The following TUBB3 variants were observed in gnomAD, a reference collection of about 807,000 sequenced individuals.
TUBB3 encodes the protein tubulin beta 3 class III.
TUBB3 carries 17 observed loss-of-function variants against 37.8 expected under a neutral mutation model. The ratio of observed to expected loss-of-function variants is 0.45; its 90% CI spans 0.31 to 0.67. TUBB3 has a LOEUF of 0.67. Ranked by LOEUF, TUBB3 falls within the 30% of genes least tolerant of loss-of-function variation. The pLI is 0.07. For synonymous variants in TUBB3, 332 were observed against 278.9 expected, an observed-to-expected ratio of 1.19 and a Z score of -1.90; for missense variants, 262 against 657.9, an observed-to-expected ratio of 0.40 and a Z score of 6.58.
At chr16:89,926,376 G>C (rs1321368401) in intron 1 of TUBB3, among the ~76,000 whole-genome samples, 2 of 152,244 alleles carry the variant, frequency 1.3e-5, no homozygotes, top group African/African-American at 2.4e-5. Context: ...AACCGCATTC[G>C]GGTCCTGGAG....
At chr16:89,923,687 C>G (rs935995200) in intron 1 of TUBB3, among the ~76,000 whole-genome samples, 1 of 152,220 alleles carries the variant, frequency 6.6e-6, no homozygotes, top group Non-Finnish European at 1.5e-5. Flanking sequence ...CAGCTCACGT[C>G]AGTCGCGAAG....
intron 3 of TUBB3, chr16:89,934,371 C>G: frequency 2.0e-6 from 1 of 506,136 alleles, no homozygotes; most frequent in Non-Finnish European, 3.8e-6. Flanking sequence ...CAGCCCCCAG[C>G]TGCCAGGGAT....
At chr16:89,924,544 G>A (rs2030003243) in intron 1 of TUBB3, among the ~76,000 whole-genome samples, 1 of 152,142 alleles carries the variant, frequency 6.6e-6, no homozygotes, top group Admixed American at 6.5e-5. Context: ...CTGGGAAGGA[G>A]GGGGTGCAGG....
intron 1 of TUBB3, among the ~76,000 whole-genome samples, chr16:89,929,440 G>A (rs892037076): frequency 6.6e-6 from 1 of 152,336 alleles, no homozygotes; most frequent in Non-Finnish European, 1.5e-5. Context: ...CGGGCATCCC[G>A]AGACACTGTT....
At chr16:89,932,942 A>T in intron 2 of TUBB3, 1 of 546,932 alleles carries the variant, frequency 1.8e-6, no homozygotes, top group Non-Finnish European at 3.3e-6. Context: ...ACAGACAGGG[A>T]TGGGGCAGGC....
chr16:89,930,438 C>G (rs574894031), intron 1 of TUBB3, among the ~76,000 whole-genome samples: 39 of 151,552 alleles, frequency 2.6e-4, no homozygotes, highest in Non-Finnish European at 4.9e-4. Context: ...TATTATTATT[C>G]TATGAGACAG....
intron 1 of TUBB3, among the ~76,000 whole-genome samples, chr16:89,930,901 C>A (rs903760774): frequency 6.6e-6 from 1 of 151,506 alleles, no homozygotes; most frequent in African/African-American, 2.4e-5. Flanking sequence ...GATCTCAGCT[C>A]ACTGCAAGCT....
chr16:89,932,867 A>C (rs2030325998), intron 2 of TUBB3, 188 bp downstream of exon 2: 4 of 626,752 alleles, frequency 6.4e-6, no homozygotes, highest in Non-Finnish European at 2.9e-6. Context: ...CAGACAATAA[A>C]TCACAGTCAC....
intron 2 of TUBB3, 45 bp from the exon 3 acceptor site, chr16:89,933,423 C>G (rs371040203): frequency 2.2e-5 from 32 of 1,451,256 alleles, no homozygotes; most frequent in Non-Finnish European, 2.8e-5. Context: ...GGGAGAGGCT[C>G]TGGCCCTCTG....
At chr16:89,922,830 A>G (rs1411918496), upstream of TUBB3, among the ~76,000 whole-genome samples, 1 of 152,044 alleles carries the variant, frequency 6.6e-6, no homozygotes, top group East Asian at 1.9e-4. Flanking sequence ...GTTTCTTCTC[A>G]GTGGGTTCAG....
At position 89,932,627 on chromosome 16, in the gene TUBB3, C is replaced by T. The variant is rs149711112; in HGVS notation, c.114C>T (p.Gly38=). ...HGIDPSGNYV[G]DSDLQLERIS... Reference sequence around the variant, plus strand: ...TCGACCCCAGCGGCAACTACGTGGGCGACTCGGACTTGCAGCTGGAGCGGA... The same window carrying T: ...TCGACCCCAGCGGCAACTACGTGGGTGACTCGGACTTGCAGCTGGAGCGGA... The change falls in exon 2 of 4, where the codon GGC becomes GGT. Residue 38 remains glycine (G), a synonymous_variant. Transcript: ENST00000315491. 8.7e-6 allele frequency: 14 copies of T among 1,614,156 alleles called. No individual in the cohort carries two copies. Among genetic ancestry groups the T allele is most frequent in the African/African-American group, 8.0e-5 (6 of 75,058 alleles).
At chr16:89,925,571 A>G (rs1221615449) in intron 1 of TUBB3, among the ~76,000 whole-genome samples, 1 of 152,072 alleles carries the variant, frequency 6.6e-6, no homozygotes, top group Non-Finnish European at 1.5e-5. Flanking sequence ...ACTCCAGACT[A>G]GGCGATAGAG....
rs748332218 is a variant in TUBB3 at position 89,923,372 on chromosome 16, G to T, written c.-30G>T. The T allele has an allele frequency of 1.7e-5, 24 of 1,451,580 alleles. No individual in the cohort carries two copies. Among genetic ancestry groups the T allele is most frequent in the Non-Finnish European group, 1.9e-5 (21 of 1,097,676 alleles). The allele number at this position is 1,451,580 out of a possible 1,614,324, so 89.9% of individuals were successfully genotyped here. On this transcript the variant is annotated 5_prime_UTR_variant, in exon 1 of 4. Coordinates refer to ENST00000315491, the MANE Select transcript of TUBB3 (RefSeq NM_006086.4). ...CAGCCAGCCCGGCCCGCCCGCGCCC[G>T]TCCGCAGCCGCCCGCCAGACGCGCC...
Position 89,935,355 on chromosome 16 carries a change from G to A in TUBB3, c.904G>A (p.Ala302Thr), listed in dbSNP as rs267607163. 6.2e-7 allele frequency: 1 copy of A among 1,613,996 alleles called. No individual in the cohort carries two copies. The highest frequency in any genetic ancestry group is 1.7e-5 in the Admixed American group (1 of 60,022). Residue 302 changes from alanine to threonine, a missense_variant, in exon 4 of 4, where the codon GCC (alanine) becomes ACC (threonine). Physicochemically the swap from Ala to Thr is moderately conservative, Grantham distance 58. Coordinates refer to ENST00000315491, the MANE Select transcript of TUBB3 (RefSeq NM_006086.4). Reference sequence around the variant, plus strand: ...GTTCGATGCCAAGAACATGATGGCCGCCTGCGACCCGCGCCACGGCCGCTA... The same window carrying A: ...GTTCGATGCCAAGAACATGATGGCCACCTGCGACCCGCGCCACGGCCGCTA... ...QMFDAKNMMA[A>T]CDPRHGRYLT...
rs1383290375 is a variant in TUBB3 at position 89,933,177 on chromosome 16, CT to C, written c.167-289del. On this transcript the variant is annotated intron_variant, in intron 2 of 3. Coordinates refer to ENST00000315491, the MANE Select transcript of TUBB3 (RefSeq NM_006086.4). ...TCCTGGACTCAAGCGATCCACCTGC[CT>C]TGGCCTCCCAAAGTGTTGGGAGTGC... 3 of 657,982 alleles carry C rather than the reference CT, an allele frequency of 4.6e-6. No homozygotes were observed. The African/African-American group carries it at 5.3e-5, about 12-fold the overall frequency. The allele number at this position is 657,982 out of a possible 1,614,324, so 40.8% of individuals were successfully genotyped here.
chr16:89,927,235 T>C (rs1295094467), intron 1 of TUBB3, among the ~76,000 whole-genome samples: 1 of 151,550 alleles, frequency 6.6e-6, no homozygotes, highest in Admixed American at 6.6e-5. Context: ...CAAAAAAAAT[T>C]AGCTGGACAT....
intron 1 of TUBB3, among the ~76,000 whole-genome samples, chr16:89,931,362 C>T (rs2151091518): frequency 6.6e-6 from 1 of 152,374 alleles, no homozygotes; most frequent in African/African-American, 2.4e-5. Flanking sequence ...CCCGTCAGCT[C>T]ATCTAAAAGT....
chr16:89,935,708 G>A lies in TUBB3; in HGVS notation c.1257G>A (p.Val419=). 1.2e-6 allele frequency: 2 copies of A among 1,613,936 alleles called. No homozygotes were observed. The highest frequency in any genetic ancestry group is 1.7e-6 in the Non-Finnish European group (2 of 1,179,920). ...TEAESNMNDL[V]SEYQQYQDAT... Reference sequence around the variant, plus strand: ...CCGAGAGCAACATGAACGACCTGGTGTCCGAGTACCAGCAGTACCAGGACG... The same window carrying A: ...CCGAGAGCAACATGAACGACCTGGTATCCGAGTACCAGCAGTACCAGGACG... The change falls in exon 4 of 4, where the codon GTG becomes GTA. Residue 419 remains valine (V), a synonymous_variant. Coordinates refer to ENST00000315491, the MANE Select transcript of TUBB3 (RefSeq NM_006086.4).
chr16:89,933,232 T>G (rs532878449), intron 2 of TUBB3: 57 of 691,738 alleles, frequency 8.2e-5, no homozygotes, highest in Non-Finnish European at 1.1e-4. Context: ...CTGGTGGACG[T>G]CTGACTGAAT....
Sources: allele counts gnomAD v4.1 joint callset (sites outside exome capture counted in the v4.1 genomes callset), GRCh38; gene constraint gnomAD v4.1.1; transcripts MANE v1.5; gene names NCBI Gene and HGNC (gene_info 2026-07-23, HGNC 2026-07-21).